TTC21A: variants seen among roughly 807,000 people sequenced by gnomAD.
TTC21A encodes the protein tetratricopeptide repeat protein 21A.
A neutral mutation model predicts 156.4 loss-of-function variants in TTC21A; 128 were observed. The ratio of observed to expected loss-of-function variants is 0.82; its 90% CI spans 0.71 to 0.95. The LOEUF is 0.95. Among genes scored for constraint, TTC21A ranks in the 40% least tolerant of loss-of-function variants. TTC21A has a pLI of 0.00. For missense variants in TTC21A, 1,435 were observed against 1,602.3 expected, an observed-to-expected ratio of 0.90 and a Z score of 1.78; for synonymous variants, 587 against 617.1, an observed-to-expected ratio of 0.95 and a Z score of 0.72.
At chr3:39,108,991 G>A in intron 1 of TTC21A, 94 bp from the exon 2 acceptor site, 1 of 1,396,338 alleles carries the variant, frequency 7.2e-7, no homozygotes, top group Non-Finnish European at 9.9e-7. Context: ...AGGAGGAGCA[G>A]GGGATAGGGA....
intron 2 of TTC21A, among the ~76,000 whole-genome samples, 195 bp downstream of exon 2, chr3:39,109,409 G>A (rs1012797633): frequency 2.6e-5 from 4 of 152,188 alleles, no homozygotes; most frequent in South Asian, 2.1e-4. Flanking sequence ...ACCTCAGAGC[G>A]CTGACTATCC....
intron 9 of TTC21A, among the ~76,000 whole-genome samples, chr3:39,124,658 CAAAA>C (rs60845030): frequency 4.2e-5 from 3 of 71,038 alleles, no homozygotes; most frequent in African/African-American, 8.5e-5. Flanking sequence ...AACTCCGTCT[CAAAA>C]AAAAAAAAAA....
chr3:39,121,127 A>AG lies in TTC21A; in HGVS notation c.1033dup (p.Ala345GlyfsTer36), dbSNP rs765217315. The AG allele has an allele frequency of 1.5e-5, 24 of 1,614,046 alleles. No individual in the cohort carries two copies. Among genetic ancestry groups the AG allele is most frequent in the Non-Finnish European group, 2.0e-5 (24 of 1,180,028 alleles). ...TTCATCCTGAAGAACCAAGTGAAAG[A>AG]GGCCTTGCTGTGGTATTCAGAAGCC... On this transcript the variant is annotated frameshift_variant, in exon 9 of 29. Coordinates refer to ENST00000683103, the MANE Select transcript of TTC21A (RefSeq NM_001366900.1). LOFTEE classifies it high-confidence loss of function.
rs1474948662 is a variant in TTC21A at position 39,130,190 on chromosome 3, C to A, written c.2208+39C>A. 10 of 1,612,178 alleles carry A rather than the reference C, an allele frequency of 6.2e-6. No homozygotes were observed. The highest frequency in any genetic ancestry group is 8.5e-6 in the Non-Finnish European group (10 of 1,178,922). Reference sequence around the variant, plus strand: ...CTCACAGCCTTGCCAAGTGGCCCCCCAGTCTCCCTTCTCCAGTGGGAGAGA... The same window carrying A: ...CTCACAGCCTTGCCAAGTGGCCCCCAAGTCTCCCTTCTCCAGTGGGAGAGA... On this transcript the variant is annotated intron_variant, in intron 16 of 28. Transcript: ENST00000683103. The surrounding 1 kb of genome is among the most constrained non-coding windows in gnomAD (Gnocchi z 4.5).
At chr3:39,110,693 G>A (rs1559666300) in intron 3 of TTC21A, among the ~76,000 whole-genome samples, 158 bp from the exon 4 acceptor site, 2 of 152,250 alleles carry the variant, frequency 1.3e-5, no homozygotes, top group African/African-American at 4.8e-5. Flanking sequence ...CTGGTTTCCA[G>A]GCCTTGGGCT....
chr3:39,135,062 G>A, intron 21 of TTC21A, 31 bp from the exon 22 acceptor site: 1 of 1,608,498 alleles, frequency 6.2e-7, no homozygotes, highest in Non-Finnish European at 8.5e-7. Flanking sequence ...CCACTGTTGG[G>A]AAATCTGGAG....
chr3:39,113,806 A>G (rs1350276126), intron 5 of TTC21A, among the ~76,000 whole-genome samples: 2 of 152,216 alleles, frequency 1.3e-5, no homozygotes, highest in African/African-American at 4.8e-5. Context: ...CCAGTCCCCT[A>G]TTGTTTGGAT....
At chr3:39,126,542 C>G in intron 12 of TTC21A, 152 bp downstream of exon 12, 2 of 778,450 alleles carry the variant, frequency 2.6e-6, no homozygotes, top group Non-Finnish European at 4.1e-6. Flanking sequence ...TGGGGTACTA[C>G]GCACACACAC....
At chr3:39,110,448 A>AAG in intron 3 of TTC21A, 4 of 519,550 alleles carry the variant, frequency 7.7e-6, no homozygotes, top group Non-Finnish European at 1.0e-5. Flanking sequence ...AAACCAAGCC[A>AAG]ATATATATAA....
chr3:39,130,014 G>A lies in TTC21A; in HGVS notation c.2136-65G>A. On this transcript the variant is annotated intron_variant, in intron 15 of 28. Coordinates refer to ENST00000683103, the MANE Select transcript of TTC21A (RefSeq NM_001366900.1). The surrounding 1 kb of genome is among the most constrained non-coding windows in gnomAD (Gnocchi z 4.5). ...GAATCAGTGGGAAGGAAGTGAAGGAGATGATTTCAGGAACATGAGGTGTGT... is the reference window on the plus strand; with the variant it reads ...GAATCAGTGGGAAGGAAGTGAAGGAAATGATTTCAGGAACATGAGGTGTGT... The A allele has an allele frequency of 6.8e-7, 1 of 1,476,530 alleles. No homozygotes were observed. Among genetic ancestry groups the A allele is most frequent in the Non-Finnish European group, 9.4e-7 (1 of 1,062,018 alleles). 91.5% of individuals were successfully genotyped at this position (1,476,530 alleles called of 1,614,324 possible).
At position 39,114,738 on chromosome 3, in the gene TTC21A, C is replaced by G. The variant is rs765231114; in HGVS notation, c.712C>G (p.His238Asp). Residue 238 changes from histidine to aspartate, a missense_variant, in exon 6 of 29, where the codon CAC (histidine) becomes GAC (aspartate). By Grantham distance (81) the His-to-Asp change is moderately conservative. Transcript: ENST00000683103. ...CTGGGAGCAGACAGTAGAAATGGGA[C>G]ACAGGTGAGCTACTGCACAAATGGG... is the stretch of plus-strand genomic sequence containing the variant. ...QDWEQTVEMG[H>D]RILEKDESNI... The G allele has an allele frequency of 2.4e-5, 38 of 1,614,156 alleles. No homozygotes were observed. In the South Asian group the frequency reaches 4.1e-4, roughly 17 times the overall value.
At chr3:39,119,634 AAAAAAAAAAG>A (rs1322755981) in intron 7 of TTC21A, 275 of 211,922 alleles carry the variant, frequency 1.3e-3, no homozygotes, top group African/African-American at 5.9e-3. Context: ...GAGCAGTCAA[AAAAAAAAAAG>A]AAAAAAAAGA....
intron 1 of TTC21A, among the ~76,000 whole-genome samples, chr3:39,108,835 A>T (rs957543957): frequency 2.0e-5 from 3 of 152,256 alleles, no homozygotes; most frequent in South Asian, 2.1e-4. Flanking sequence ...ATTCCCCATC[A>T]TAGTTGAACC....
intron 6 of TTC21A, among the ~76,000 whole-genome samples, chr3:39,115,934 T>A (rs2037255303): frequency 1.3e-5 from 2 of 152,234 alleles, no homozygotes; most frequent in Non-Finnish European, 2.9e-5. Flanking sequence ...GAGGTGCTGG[T>A]AGCAAATCAA....
chr3:39,114,454 G>T, intron 5 of TTC21A, 131 bp from the exon 6 acceptor site: 1 of 845,200 alleles, frequency 1.2e-6, no homozygotes, highest in Non-Finnish European at 1.9e-6. Flanking sequence ...TGGCCCAGCT[G>T]AGAGGACCCA....
At chr3:39,107,913 CT>C (rs141067054) in intron 1 of TTC21A, 49 bp downstream of exon 1, 83,718 of 1,608,176 alleles carry the variant, frequency 0.052, 2,771 homozygotes, top group African/African-American at 0.16. Flanking sequence ...CTCCCCGCCC[CT>C]GACCCAGAGA....
intron 23 of TTC21A, 89 bp from the exon 24 acceptor site, chr3:39,136,810 G>A (rs2039148330): frequency 6.7e-7 from 1 of 1,495,020 alleles, no homozygotes; most frequent in Non-Finnish European, 9.1e-7. Flanking sequence ...CCTCTGCTTT[G>A]TGCAGACTCA....
chr3:39,138,646 G>GA, intron 28 of TTC21A, 23 bp downstream of exon 28: 1 of 1,614,068 alleles, frequency 6.2e-7, no homozygotes, highest in Non-Finnish European at 8.5e-7. Context: ...CCTTGGTGGG[G>GA]AGGGCCTGGT....
At chr3:39,133,930 C>T (rs1028706952) in intron 20 of TTC21A, among the ~76,000 whole-genome samples, 1 of 152,152 alleles carries the variant, frequency 6.6e-6, no homozygotes, top group African/African-American at 2.4e-5. Flanking sequence ...GTACCTGCCC[C>T]AGAGTCTGGG....
Sources: gnomAD v4.1 joint callset for allele counts (sites outside exome capture counted in the v4.1 genomes callset) on GRCh38, gnomAD v4.1.1 for gene constraint, Gnocchi (gnomAD v3.1) non-coding constraint, MANE v1.5 for transcripts, NCBI Gene and HGNC (gene_info 2026-07-23, HGNC 2026-07-21) for gene names.